Variants in ROBO2 observed in about 807,000 individuals in gnomAD.
ROBO2 encodes the protein roundabout guidance receptor 2, also known as roundabout homolog 2.
In ROBO2, 53 loss-of-function variants were observed where a neutral mutation model predicts 160.8. That is an observed-to-expected ratio of 0.33 (90% confidence interval 0.26 to 0.41). The LOEUF is 0.41. ROBO2 is among the 10% of genes least tolerant of loss of function. ROBO2 has a pLI of 1.00. For synonymous variants in ROBO2, 664 were observed against 611.7 expected (o/e 1.09, Z -1.26); for missense variants, 1,577 against 1,722.4 (o/e 0.92, Z 1.49).
At chr3:77,018,998 C>T (rs1046398403) in intron 2 of ROBO2, among the ~76,000 whole-genome samples, 7 of 152,180 alleles carry the variant, frequency 4.6e-5, no homozygotes, top group African/African-American at 9.6e-5. Flanking sequence ...AGTACATCCC[C>T]GCTCAAGTTG....
At chr3:76,837,129 T>C (rs915448703) in intron 2 of ROBO2, among the ~76,000 whole-genome samples, 2 of 151,958 alleles carry the variant, frequency 1.3e-5, no homozygotes, top group Non-Finnish European at 2.9e-5. Flanking sequence ...TTACAACGTT[T>C]TCCTATAGAT....
At chr3:77,125,754 A>C (rs574536023) in intron 2 of ROBO2, among the ~76,000 whole-genome samples, 1 of 152,324 alleles carries the variant, frequency 6.6e-6, no homozygotes, top group East Asian at 1.9e-4. Flanking sequence ...TATATAATAA[A>C]GTTGTTGTAT....
intron 2 of ROBO2, among the ~76,000 whole-genome samples, chr3:76,087,982 C>A (rs762808239): frequency 1.3e-5 from 2 of 151,904 alleles, no homozygotes; most frequent in Non-Finnish European, 2.9e-5. Flanking sequence ...TATAAAAAGT[C>A]TTTTAAATCT....
At chr3:76,281,849 A>C (rs1179771362) in intron 2 of ROBO2, among the ~76,000 whole-genome samples, 19 of 152,008 alleles carry the variant, frequency 1.2e-4, no homozygotes, top group Non-Finnish European at 2.6e-4. Context: ...GATTGTTAGC[A>C]CAAGGAATTG....
At chr3:77,357,421 C>G (rs189175672) in intron 2 of ROBO2, among the ~76,000 whole-genome samples, 2 of 152,212 alleles carry the variant, frequency 1.3e-5, no homozygotes, top group South Asian at 4.1e-4. Flanking sequence ...TGCCTTCCAC[C>G]GTGTTATGAT....
At chr3:76,075,052 T>C (rs972048975) in intron 2 of ROBO2, among the ~76,000 whole-genome samples, 1 of 152,110 alleles carries the variant, frequency 6.6e-6, no homozygotes, top group Non-Finnish European at 1.5e-5. Context: ...CAAGTGATAA[T>C]TTGTGAGATA....
At chr3:76,876,651 G>A (rs2072755747) in intron 2 of ROBO2, among the ~76,000 whole-genome samples, 1 of 151,842 alleles carries the variant, frequency 6.6e-6, no homozygotes, top group African/African-American at 2.4e-5. Flanking sequence ...CTCCAGCCTG[G>A]GTGACAGAAT....
At chr3:76,012,239 T>G (rs940042228) in intron 2 of ROBO2, among the ~76,000 whole-genome samples, 1 of 152,154 alleles carries the variant, frequency 6.6e-6, no homozygotes, top group Non-Finnish European at 1.5e-5. Flanking sequence ...AGTGGCATGT[T>G]CCAGCAATTA....
chr3:77,239,723 C>T (rs1256392881), intron 2 of ROBO2, among the ~76,000 whole-genome samples: 1 of 152,148 alleles, frequency 6.6e-6, no homozygotes, highest in Non-Finnish European at 1.5e-5. Flanking sequence ...CAAGTCCCCA[C>T]TAGATTACCT....
At chr3:76,240,824 G>T (rs1705240054) in intron 2 of ROBO2, among the ~76,000 whole-genome samples, 1 of 152,090 alleles carries the variant, frequency 6.6e-6, no homozygotes, top group Admixed American at 6.5e-5. Context: ...TGAGGGTTTT[G>T]GGCTGCACTC....
At chr3:76,818,345 T>G (rs1027519934) in intron 2 of ROBO2, among the ~76,000 whole-genome samples, 5 of 151,698 alleles carry the variant, frequency 3.3e-5, no homozygotes, top group Admixed American at 1.3e-4. Flanking sequence ...GGATTGTTTG[T>G]TTTTTTTCTT....
chr3:77,618,108 T>G (rs1188582311), intron 22 of ROBO2: 1 of 333,706 alleles, frequency 3.0e-6, no homozygotes, highest in Admixed American at 4.7e-5. Context: ...TAATTTATGG[T>G]TTATCTTCAA....
chr3:76,095,076 A>G (rs1192420652), intron 2 of ROBO2, among the ~76,000 whole-genome samples: 1 of 152,192 alleles, frequency 6.6e-6, no homozygotes, highest in African/African-American at 2.4e-5. Flanking sequence ...TATGGAAGAC[A>G]CACTAAAAAA....
intron 2 of ROBO2, among the ~76,000 whole-genome samples, chr3:76,965,921 C>CTTT (rs1168083048): frequency 1.3e-4 from 15 of 114,076 alleles, no homozygotes; most frequent in South Asian, 2.9e-4. Context: ...GGCATATTTT[C>CTTT]TTTTTTTTTT....
intron 2 of ROBO2, among the ~76,000 whole-genome samples, chr3:76,938,184 C>A (rs558710420): frequency 6.6e-6 from 1 of 152,064 alleles, no homozygotes; most frequent in African/African-American, 2.4e-5. Context: ...TGGTGAAACC[C>A]GTCTCTACTG....
chr3:76,828,471 A>T (rs1296522655), intron 2 of ROBO2, among the ~76,000 whole-genome samples: 1 of 152,184 alleles, frequency 6.6e-6, no homozygotes, highest in African/African-American at 2.4e-5. Context: ...CTTAATGCTC[A>T]TTGTACAGTA....
At chr3:76,430,943 ACTCT>A (rs1289050802) in intron 2 of ROBO2, among the ~76,000 whole-genome samples, 3 of 152,012 alleles carry the variant, frequency 2.0e-5, no homozygotes, top group African/African-American at 7.2e-5. Flanking sequence ...AAATTATGAA[ACTCT>A]CTTACTGTTT....
intron 2 of ROBO2, among the ~76,000 whole-genome samples, chr3:76,653,016 GA>G (rs544529516): frequency 1.7e-4 from 26 of 152,046 alleles, no homozygotes; most frequent in Non-Finnish European, 4.4e-5. Context: ...TTCCTTGAGA[GA>G]GTTAATTTCA....
chr3:76,498,683 CTTTT>C (rs71101892), intron 2 of ROBO2, among the ~76,000 whole-genome samples: 1 of 130,842 alleles, frequency 7.6e-6, no homozygotes, highest in Non-Finnish European at 1.6e-5. Flanking sequence ...AGTTTGTCTG[CTTTT>C]TTTTTTTTTT....
Sources: allele counts gnomAD v4.1 joint callset (sites outside exome capture counted in the v4.1 genomes callset), GRCh38; gene constraint gnomAD v4.1.1; transcripts MANE v1.5; gene names NCBI Gene and HGNC (gene_info 2026-07-23, HGNC 2026-07-21).